The following PRELID2 variants were observed in gnomAD, a reference collection of about 807,000 sequenced individuals.
PRELID2 encodes the protein PRELI domain containing 2, also known as PRELI domain-containing protein 2.
In PRELID2, 25 loss-of-function variants were observed where a neutral mutation model predicts 28.4. That is an observed-to-expected ratio of 0.88 (90% confidence interval 0.64 to 1.23). The LOEUF is 1.23. Ranked by LOEUF, PRELID2 falls within the 50% of genes most tolerant of loss-of-function variation. The pLI, the probability that PRELID2 is intolerant of heterozygous loss-of-function variation, is 0.00. For synonymous variants in PRELID2, 76 were observed against 71.6 expected, an observed-to-expected ratio of 1.06 and a Z score of -0.31; for missense variants, 201 against 214.4, an observed-to-expected ratio of 0.94 and a Z score of 0.39.
the PRELID2 span, among the ~76,000 whole-genome samples, chr5:145,240,059 T>C: frequency 6.6e-6 from 1 of 152,014 alleles, no homozygotes; most frequent in Non-Finnish European, 1.5e-5. Flanking sequence ...GGTTGCGTCT[T>C]TCTTGTTGAT....
chr5:145,458,921 G>A, the PRELID2 span, among the ~76,000 whole-genome samples: 1 of 152,262 alleles, frequency 6.6e-6, no homozygotes, highest in South Asian at 2.1e-4. Context: ...GAAACGGGTT[G>A]AAAAATTGAT....
At chr5:145,389,657 G>A in the PRELID2 span, among the ~76,000 whole-genome samples, 2 of 152,054 alleles carry the variant, frequency 1.3e-5, no homozygotes, top group African/African-American at 4.8e-5. Flanking sequence ...CGTGGGAGTT[G>A]TTCTAAAAAT....
Position 145,835,035 on chromosome 5 carries a change from T to C in PRELID2, c.75+142A>G, listed in dbSNP as rs1755844188. 8.4e-6 allele frequency: 5 copies of C among 593,178 alleles called. No homozygotes were observed. The South Asian group carries it at 1.1e-4, about 13-fold the overall frequency. 36.7% of individuals were successfully genotyped at this position (593,178 alleles called of 1,614,324 possible). Reference sequence around the variant, plus strand: ...TAAAGGGAGTCTTCGAGGAAATCCCTCTCGACCCACACATCCCTGAAGCAA... The same window carrying C: ...TAAAGGGAGTCTTCGAGGAAATCCCCCTCGACCCACACATCCCTGAAGCAA... On this transcript the variant is annotated intron_variant, in intron 1 of 6. Transcript: ENST00000683046.
At chr5:145,540,603 G>A (rs1752737619) in intron 1 of PRELID2, among the ~76,000 whole-genome samples, 1 of 148,894 alleles carries the variant, frequency 6.7e-6, no homozygotes. Flanking sequence ...AGACAAACAA[G>A]TTAAATGACT....
intron 1 of PRELID2, among the ~76,000 whole-genome samples, chr5:145,595,161 G>GACACACACACACAC (rs3038287): frequency 1.5e-5 from 2 of 131,252 alleles, no homozygotes; most frequent in East Asian, 4.5e-4. Context: ...AGTCATAATA[G>GACACACACACACAC]ACACACACAC....
chr5:145,392,118 C>G, the PRELID2 span, among the ~76,000 whole-genome samples: 1 of 152,178 alleles, frequency 6.6e-6, no homozygotes, highest in Non-Finnish European at 1.5e-5. Context: ...TATAGCAGCA[C>G]CCCACTCTCT....
At chr5:145,743,591 C>G (rs752777017) in intron 1 of PRELID2, among the ~76,000 whole-genome samples, 2 of 64,356 alleles carry the variant, frequency 3.1e-5, no homozygotes, top group Admixed American at 2.1e-4. Flanking sequence ...GAAAGCCACA[C>G]GGGGAATCCC....
chr5:145,417,268 C>T, the PRELID2 span, among the ~76,000 whole-genome samples: 1 of 151,966 alleles, frequency 6.6e-6, no homozygotes. Context: ...AGCCTAGGAA[C>T]AAATAAAAGC....
chr5:145,793,786 A>G lies in PRELID2; in HGVS notation c.474+2656T>C, dbSNP rs1752556730. 1.3e-5 allele frequency among the ~76,000 whole-genome samples: 2 copies of G among 152,132 alleles called. 1 individual carries two copies. The highest frequency in any genetic ancestry group is 4.8e-5 in the African/African-American group (2 of 41,438). ...GAATGGATGGAACACTGTCCAAGGT[A>G]CTATAGGTTGGGAGAAGGGAATAAG... is the stretch of plus-strand genomic sequence containing the variant. On this transcript the variant is annotated intron_variant, in intron 5 of 6. Coordinates refer to ENST00000683046, the MANE Select transcript of PRELID2 (RefSeq NM_205846.3).
chr5:145,554,315 G>A (rs923305695), intron 1 of PRELID2, among the ~76,000 whole-genome samples: 32 of 152,178 alleles, frequency 2.1e-4, no homozygotes, highest in African/African-American at 7.5e-4. Context: ...GAAGAGAGTC[G>A]TGATCTCAAA....
chr5:145,379,997 C>T, the PRELID2 span, among the ~76,000 whole-genome samples: 1 of 152,128 alleles, frequency 6.6e-6, no homozygotes, highest in Non-Finnish European at 1.5e-5. Flanking sequence ...GGGCTAAAGG[C>T]TATGGGAACA....
chr5:145,695,922 A>AG (rs530820335), intron 1 of PRELID2, among the ~76,000 whole-genome samples: 1 of 152,124 alleles, frequency 6.6e-6, no homozygotes, highest in Non-Finnish European at 1.5e-5. Flanking sequence ...TAAATATCAG[A>AG]GGGGGGAGAA....
chr5:145,536,752 A>T (rs530417406), intron 1 of PRELID2, among the ~76,000 whole-genome samples: 1 of 151,908 alleles, frequency 6.6e-6, no homozygotes, highest in Non-Finnish European at 1.5e-5. Context: ...ATAAGGACAT[A>T]GTATTTTTTC....
chr5:145,415,738 C>T, the PRELID2 span, among the ~76,000 whole-genome samples: 1 of 151,890 alleles, frequency 6.6e-6, no homozygotes, highest in South Asian at 2.1e-4. Context: ...CCACAATAAA[C>T]ATATGTGTGC....
At chr5:145,256,517 G>T in the PRELID2 span, among the ~76,000 whole-genome samples, 1 of 151,798 alleles carries the variant, frequency 6.6e-6, no homozygotes, top group Non-Finnish European at 1.5e-5. Context: ...AACCTTAGTT[G>T]CCCTTTTCCA....
chr5:145,469,532 AG>A (rs1752032809), downstream of PRELID2, among the ~76,000 whole-genome samples: 1 of 152,054 alleles, frequency 6.6e-6, no homozygotes, highest in Non-Finnish European at 1.5e-5. Context: ...TAAGGTTAAC[AG>A]ATGCCATGAT....
At chr5:145,810,173 T>C (rs2149842030) in intron 4 of PRELID2, among the ~76,000 whole-genome samples, 1 of 152,328 alleles carries the variant, frequency 6.6e-6, no homozygotes. Flanking sequence ...CTGCTCTACA[T>C]AATAAAGCAT....
chr5:145,697,265 G>T (rs974166314), intron 1 of PRELID2, among the ~76,000 whole-genome samples: 1 of 151,844 alleles, frequency 6.6e-6, no homozygotes, highest in Non-Finnish European at 1.5e-5. Flanking sequence ...CTGTGTGCAA[G>T]TCTTGCCTGG....
intron 3 of PRELID2, chr5:145,819,406 G>T (rs1190893299): frequency 1.3e-6 from 2 of 1,597,750 alleles, no homozygotes; most frequent in South Asian, 2.2e-5. Context: ...TCACCAGAGT[G>T]CTTAAGGACT....
Sources: gnomAD v4.1 joint callset for allele counts (sites outside exome capture counted in the v4.1 genomes callset) on GRCh38, gnomAD v4.1.1 for gene constraint, MANE v1.5 for transcripts, NCBI Gene and HGNC (gene_info 2026-07-23, HGNC 2026-07-21) for gene names.